Variants in RCN1 observed in about 807,000 individuals in gnomAD.
The protein encoded by RCN1 is reticulocalbin 1, also known as reticulocalbin-1.
In RCN1, 14 loss-of-function variants were observed where a neutral mutation model predicts 34.7. The observed-to-expected ratio is 0.40, with a 90% CI of 0.27 to 0.63. The LOEUF is 0.63. RCN1 is among the 30% of genes least tolerant of loss of function. RCN1 has a pLI of 0.37. For missense variants in RCN1, 326 were observed against 425.1 expected, an observed-to-expected ratio of 0.77 and a Z score of 2.05; for synonymous variants, 125 against 165.5, an observed-to-expected ratio of 0.76 and a Z score of 1.88.
chr11:32,099,771 A>C (rs1410067120), intron 3 of RCN1, among the ~76,000 whole-genome samples: 1 of 152,212 alleles, frequency 6.6e-6, no homozygotes, highest in Non-Finnish European at 1.5e-5. Context: ...GGGTCCACTC[A>C]TGCTTCATCC....
At chr11:32,099,994 A>G (rs1398770779) in intron 3 of RCN1, among the ~76,000 whole-genome samples, 2 of 152,224 alleles carry the variant, frequency 1.3e-5, no homozygotes, top group Non-Finnish European at 2.9e-5. Flanking sequence ...GTGCCAATGA[A>G]CAGTAAACTC....
chr11:32,095,431 G>T (rs1232652840), intron 1 of RCN1, among the ~76,000 whole-genome samples: 1 of 151,500 alleles, frequency 6.6e-6, no homozygotes, highest in Admixed American at 6.6e-5. Flanking sequence ...ATTTTGAGAC[G>T]GAGTCTTGCC....
intron 1 of RCN1, among the ~76,000 whole-genome samples, chr11:32,095,521 C>T (rs1308269971): frequency 6.6e-6 from 1 of 152,188 alleles, no homozygotes; most frequent in Non-Finnish European, 1.5e-5. Context: ...CATTCTCCTG[C>T]TTCAGCCTCC....
At chr11:32,097,971 G>A (rs534284804) in intron 2 of RCN1, among the ~76,000 whole-genome samples, 38 of 152,316 alleles carry the variant, frequency 2.5e-4, no homozygotes, top group African/African-American at 8.7e-4. Flanking sequence ...GGCCAGAATC[G>A]GGGAGATCTT....
chr11:32,097,636 T>C (rs956695017), intron 2 of RCN1, among the ~76,000 whole-genome samples: 2 of 152,134 alleles, frequency 1.3e-5, no homozygotes, highest in African/African-American at 2.4e-5. Flanking sequence ...AAAGGAAGTG[T>C]GTCTGTGGTA....
rs1024082374 is a variant in RCN1 at position 32,105,398 on chromosome 11, CG to C, written c.*927del. The C allele has an allele frequency of 9.8e-5, 15 of 152,570 alleles. No individual in the cohort carries two copies. Among genetic ancestry groups the C allele is most frequent in the African/African-American group, 3.6e-4 (15 of 41,416 alleles). The allele number at this position is 152,570 out of a possible 1,614,324, so 9.5% of individuals were successfully genotyped here. ...TCCACGACCCGCAGACCTGTCCCCCCGCAACAGCTTATACCATGGAATGAGG... is the reference window on the plus strand; with the variant it reads ...TCCACGACCCGCAGACCTGTCCCCCCCAACAGCTTATACCATGGAATGAGG... On this transcript the variant is annotated 3_prime_UTR_variant, in exon 6 of 6. Transcript: ENST00000054950.
At chr11:32,103,006 AAG>A (rs1344316947) in intron 4 of RCN1, 4 of 560,078 alleles carry the variant, frequency 7.1e-6, no homozygotes, top group South Asian at 6.1e-5. Context: ...TTTTACAGAC[AAG>A]GAAACTTCAG....
intron 4 of RCN1, chr11:32,102,723 A>G: frequency 3.5e-6 from 1 of 287,954 alleles, no homozygotes; most frequent in Non-Finnish European, 6.6e-6. Flanking sequence ...TCCAGCTCAT[A>G]TGAGCTGTGG....
In RCN1 at chr11:32,091,084, T is replaced by A. The variant is rs1851913841; in HGVS notation, c.-113T>A. The A allele has an allele frequency of 4.0e-5, 48 of 1,214,860 alleles. No homozygotes were observed. The highest frequency in any genetic ancestry group is 3.0e-4 in the Middle Eastern group (1 of 3,348). 75.3% of individuals were successfully genotyped at this position (1,214,860 alleles called of 1,614,324 possible). On this transcript the variant is annotated 5_prime_UTR_variant, in exon 1 of 6. Transcript: ENST00000054950. Reference sequence around the variant, plus strand: ...GCGGAGGGACTGGCCAGTCCCCTCCTCCGCGCCGGCCCCAACCCTGTCGCT... The same window carrying A: ...GCGGAGGGACTGGCCAGTCCCCTCCACCGCGCCGGCCCCAACCCTGTCGCT...
rs760420988 is a variant in RCN1 at position 32,098,440 on chromosome 11, T to C, written c.539T>C (p.Leu180Pro). 3 of 1,614,096 alleles carry C rather than the reference T, an allele frequency of 1.9e-6. No individual in the cohort carries two copies. The highest frequency in any genetic ancestry group is 2.5e-6 in the Non-Finnish European group (3 of 1,179,940). Residue 180 changes from leucine (L) to proline (P), a missense_variant, in exon 3 of 6, where the codon CTC (leucine) becomes CCC (proline). Coordinates refer to ENST00000054950, the MANE Select transcript of RCN1 (RefSeq NM_002901.4). ...RDERRFKAAD[L>P]NGDLTATREE... ...GAGAGAAGATTCAAAGCTGCAGACCTCAATGGTGACCTGACAGCTACTCGG... is the reference window on the plus strand; with the variant it reads ...GAGAGAAGATTCAAAGCTGCAGACCCCAATGGTGACCTGACAGCTACTCGG...
At chr11:32,100,729 C>A in intron 4 of RCN1, 121 bp downstream of exon 4, 2 of 694,284 alleles carry the variant, frequency 2.9e-6, no homozygotes, top group South Asian at 3.8e-5. Context: ...ATACGTCACT[C>A]CTGGGAGCTT....
chr11:32,103,598 C>T, intron 5 of RCN1, 118 bp downstream of exon 5: 1 of 865,634 alleles, frequency 1.2e-6, no homozygotes, highest in South Asian at 1.6e-5. Flanking sequence ...TTGACTTTTC[C>T]TTCTTGTCCT....
At position 32,091,147 on chromosome 11, in the gene RCN1, T is replaced by A; in HGVS notation, c.-50T>A. The A allele has an allele frequency of 7.2e-7, 1 of 1,381,166 alleles. No individual in the cohort carries two copies. The highest frequency in any genetic ancestry group is 9.3e-7 in the Non-Finnish European group (1 of 1,074,804). The allele number at this position is 1,381,166 out of a possible 1,614,324, so 85.6% of individuals were successfully genotyped here. On this transcript the variant is annotated 5_prime_UTR_variant, in exon 1 of 6. Transcript: ENST00000054950. The stretch of plus-strand genomic sequence containing the variant: ...CGAGTCCCCATTCCCGAGCTGCCGC[T>A]GTTGTCGCTCGCTCAGCGTCTCCCT...
chr11:32,095,983 C>A (rs1055396086), intron 1 of RCN1, among the ~76,000 whole-genome samples: 2 of 152,202 alleles, frequency 1.3e-5, no homozygotes, highest in African/African-American at 4.8e-5. Flanking sequence ...ATTCACTCCT[C>A]CCCTTCTCGT....
chr11:32,100,475 G>A (rs1239675215), intron 3 of RCN1, 73 bp from the exon 4 acceptor site: 1 of 1,234,580 alleles, frequency 8.1e-7, no homozygotes, highest in Admixed American at 1.7e-5. Flanking sequence ...CTGGACAAAT[G>A]AGGACAATAG....
intron 3 of RCN1, among the ~76,000 whole-genome samples, chr11:32,099,793 A>G (rs951676391): frequency 1.3e-5 from 2 of 152,222 alleles, no homozygotes; most frequent in African/African-American, 4.8e-5. Flanking sequence ...CCTGACTGCC[A>G]TGACTGTAAG....
At chr11:32,102,218 G>C (rs182177962) in intron 4 of RCN1, 3 of 152,024 alleles carry the variant, frequency 2.0e-5, no homozygotes, top group Non-Finnish European at 4.4e-5. Context: ...TGTGACCCTG[G>C]GGTAATCATG....
intron 1 of RCN1, among the ~76,000 whole-genome samples, chr11:32,094,626 A>T (rs1590217528): frequency 6.6e-6 from 1 of 152,218 alleles, no homozygotes. Context: ...TGCAACAAAC[A>T]CCCGAATGGC....
In RCN1 at chr11:32,101,799, C is replaced by A. The variant is rs1012727090; in HGVS notation, c.688+1191C>A. 2.0e-5 allele frequency among the ~76,000 whole-genome samples: 3 copies of A among 152,250 alleles called. No homozygotes were observed. The East Asian group carries it at 5.8e-4, about 29-fold the overall frequency. On this transcript the variant is annotated intron_variant, in intron 4 of 5. Transcript: ENST00000054950. ...TGGGTCCACGTGCGAGGGTCACGTT[C>A]GGAGGCGCAGACCTCTTACTGTGGC...
Sources: allele counts gnomAD v4.1 joint callset (sites outside exome capture counted in the v4.1 genomes callset), GRCh38; gene constraint gnomAD v4.1.1; transcripts MANE v1.5; gene names NCBI Gene and HGNC (gene_info 2026-07-23, HGNC 2026-07-21).